The following SYT1 variants were observed in gnomAD, a reference collection of about 807,000 sequenced individuals.
The protein encoded by SYT1 is synaptotagmin-1.
In SYT1, 8 loss-of-function variants were observed where a neutral mutation model predicts 44.8. The ratio of observed to expected loss-of-function variants is 0.18; its 90% CI spans 0.10 to 0.32. SYT1 has a LOEUF of 0.32. Ranked by LOEUF, SYT1 falls within the 10% of genes least tolerant of loss-of-function variation. The pLI is 1.00. For missense variants in SYT1, 286 were observed against 509.3 expected (o/e 0.56, Z 4.22); for synonymous variants, 154 against 188.8 (o/e 0.82, Z 1.51).
rs1872266472 is a variant in SYT1, at chr12:79,179,355, G to GATATAGATATATCGATATATCT, written c.-17-38137_-17-38136insTCGATATATCTATATAGATATA. Among the ~76,000 whole-genome samples the GATATAGATATATCGATATATCT allele has an allele frequency of 5.2e-4, 2 of 3,862 alleles. 1 individual carries two copies. Among genetic ancestry groups the GATATAGATATATCGATATATCT allele is most frequent in the African/African-American group, 4.5e-3 (2 of 444 alleles). The allele number at this position is 3,862 out of a possible 152,430, so 2.5% of individuals were successfully genotyped here. A position where few individuals can be genotyped will look rare whatever the true frequency, so the allele number is the denominator to read the frequency against. Reference sequence around the variant, plus strand: ...ATAGATATATCGATATGTCTATATCGATATAGATATAGATATAGATATAGA... The same window carrying GATATAGATATATCGATATATCT: ...ATAGATATATCGATATGTCTATATCGATATAGATATATCGATATATCTATATAGATATAGATATAGATATAGA... On this transcript the variant is annotated intron_variant, in intron 3 of 10. Coordinates refer to ENST00000261205, the MANE Select transcript of SYT1 (RefSeq NM_005639.3).
At chr12:79,013,184 T>G (rs1415368219) in intron 2 of SYT1, among the ~76,000 whole-genome samples, 1 of 152,110 alleles carries the variant, frequency 6.6e-6, no homozygotes, top group Non-Finnish European at 1.5e-5. Context: ...TTTCATGAGT[T>G]TATTTGCTTA....
intron 1 of SYT1, among the ~76,000 whole-genome samples, chr12:78,911,227 C>T (rs1876304084): frequency 1.3e-5 from 2 of 151,938 alleles, no homozygotes; most frequent in African/African-American, 2.4e-5. Flanking sequence ...AGATAGAAAA[C>T]ACACTGAGTG....
At chr12:78,952,337 G>T (rs1565734012) in intron 1 of SYT1, among the ~76,000 whole-genome samples, 1 of 152,010 alleles carries the variant, frequency 6.6e-6, no homozygotes, top group Non-Finnish European at 1.5e-5. Context: ...AATCAGGCAG[G>T]GTTTTACTTA....
chr12:78,896,474 A>G (rs1365147125), intron 1 of SYT1, among the ~76,000 whole-genome samples: 3 of 151,946 alleles, frequency 2.0e-5, no homozygotes, highest in African/African-American at 7.2e-5. Flanking sequence ...GGGAAAAAAA[A>G]TTTATCTCCT....
chr12:78,879,082 C>A (rs1874322330), intron 1 of SYT1, among the ~76,000 whole-genome samples: 1 of 151,682 alleles, frequency 6.6e-6, no homozygotes. Context: ...GTATAACACA[C>A]CCATTCCCAC....
At chr12:79,282,019 A>G (rs1565889250) in intron 4 of SYT1, among the ~76,000 whole-genome samples, 1 of 152,114 alleles carries the variant, frequency 6.6e-6, no homozygotes, top group Non-Finnish European at 1.5e-5. Context: ...CCCTTTCTTT[A>G]TCTACAAAAC....
At chr12:79,002,841 T>G (rs1190834428) in intron 2 of SYT1, among the ~76,000 whole-genome samples, 1 of 152,058 alleles carries the variant, frequency 6.6e-6, no homozygotes, top group African/African-American at 2.4e-5. Flanking sequence ...TTATGAGATT[T>G]AAAGTTTTAA....
intron 4 of SYT1, among the ~76,000 whole-genome samples, chr12:79,220,852 C>T (rs535571304): frequency 3.3e-5 from 5 of 152,142 alleles, no homozygotes; most frequent in East Asian, 1.9e-4. Flanking sequence ...GCCTCACATA[C>T]GATCTATTCT....
chr12:79,378,109 T>C (rs935192075), intron 9 of SYT1, among the ~76,000 whole-genome samples: 11 of 152,214 alleles, frequency 7.2e-5, no homozygotes, highest in African/African-American at 2.7e-4. Context: ...CCATAAGCCA[T>C]GGAGTTTTCA....
intron 8 of SYT1, among the ~76,000 whole-genome samples, chr12:79,302,825 T>G (rs971015741): frequency 6.6e-6 from 1 of 152,208 alleles, no homozygotes; most frequent in Non-Finnish European, 1.5e-5. Flanking sequence ...AAGGTGGAAT[T>G]TGACCTTGGA....
At chr12:79,006,411 A>G (rs992219116) in intron 2 of SYT1, among the ~76,000 whole-genome samples, 1 of 152,120 alleles carries the variant, frequency 6.6e-6, no homozygotes, top group Admixed American at 6.6e-5. Flanking sequence ...GGAATGCTCT[A>G]TGAGGGGAAA....
At chr12:78,900,042 G>A (rs568955350) in intron 1 of SYT1, among the ~76,000 whole-genome samples, 19 of 152,046 alleles carry the variant, frequency 1.2e-4, no homozygotes, top group Admixed American at 4.6e-4. Flanking sequence ...AAGACCAAAC[G>A]CAAATGTGAC....
At chr12:79,448,402 T>C (rs950496762) in intron 10 of SYT1, among the ~76,000 whole-genome samples, 1 of 152,226 alleles carries the variant, frequency 6.6e-6, no homozygotes, top group Non-Finnish European at 1.5e-5. Context: ...ATATTAATTT[T>C]TTTGTAACAT....
At chr12:79,110,973 G>C (rs565782244) in intron 3 of SYT1, among the ~76,000 whole-genome samples, 8 of 152,254 alleles carry the variant, frequency 5.3e-5, no homozygotes, top group Admixed American at 2.0e-4. Context: ...GGATTATGCA[G>C]GCACTGGTCG....
chr12:79,104,462 A>G (rs1337012368), intron 3 of SYT1, among the ~76,000 whole-genome samples: 1 of 152,118 alleles, frequency 6.6e-6, no homozygotes, highest in Non-Finnish European at 1.5e-5. Flanking sequence ...AAGTGACCAT[A>G]AAAATTATGA....
At chr12:79,026,670 TATATATATATATATA>T (rs1872553513) in intron 2 of SYT1, among the ~76,000 whole-genome samples, 1 of 30,488 alleles carries the variant, frequency 3.3e-5, no homozygotes, top group Non-Finnish European at 6.3e-5. Context: ...ATATATTTTA[TATATATATATATATA>T]TATATATATA....
At chr12:79,215,234 GATCA>G (rs1874710647) in intron 3 of SYT1, among the ~76,000 whole-genome samples, 1 of 151,982 alleles carries the variant, frequency 6.6e-6, no homozygotes. Flanking sequence ...TAAATCAATT[GATCA>G]ATCAATTGAT....
intron 4 of SYT1, among the ~76,000 whole-genome samples, chr12:79,237,285 T>C (rs747476080): frequency 1.1e-4 from 17 of 152,202 alleles, no homozygotes; most frequent in Non-Finnish European, 1.5e-4. Flanking sequence ...CGAGAAAGAG[T>C]TGGGCATTAG....
intron 1 of SYT1, among the ~76,000 whole-genome samples, chr12:78,934,324 C>A (rs925129860): frequency 2.6e-5 from 4 of 151,854 alleles, no homozygotes; most frequent in Non-Finnish European, 5.9e-5. Context: ...AGTTCAAGAC[C>A]AGCCTGGGCA....
Sources: allele counts gnomAD v4.1 joint callset (sites outside exome capture counted in the v4.1 genomes callset), GRCh38; gene constraint gnomAD v4.1.1; transcripts MANE v1.5; gene names NCBI Gene and HGNC (gene_info 2026-07-23, HGNC 2026-07-21).